Variants in BNC2 observed in about 807,000 individuals in gnomAD.
BNC2 encodes zinc finger protein basonuclin-2.
In BNC2, 20 loss-of-function variants were observed where a neutral mutation model predicts 76.3. The ratio of observed to expected loss-of-function variants is 0.26; its 90% CI spans 0.18 to 0.38. BNC2 has a LOEUF of 0.38. Ranked by LOEUF, BNC2 falls within the 10% of genes least tolerant of loss-of-function variation. BNC2 has a pLI of 1.00. For synonymous variants in BNC2, 582 were observed against 514.8 expected (o/e 1.13, Z -1.77); for missense variants, 1,382 against 1,399.8 (o/e 0.99, Z 0.20).
intron 5 of BNC2, among the ~76,000 whole-genome samples, chr9:16,502,558 C>G (rs373512307): frequency 3.9e-5 from 6 of 151,978 alleles, no homozygotes; most frequent in African/African-American, 1.5e-4. Flanking sequence ...TTTTTCCCCC[C>G]CTCTTACTTC....
At chr9:16,570,072 C>A (rs1819277641) in intron 4 of BNC2, among the ~76,000 whole-genome samples, 1 of 152,040 alleles carries the variant, frequency 6.6e-6, no homozygotes, top group Non-Finnish European at 1.5e-5. Flanking sequence ...ATCACCCTAC[C>A]CCCCAGTTAT....
rs184982036 is a variant in BNC2 at position 16,715,224 on chromosome 9, G to C, written c.330+12573C>G. On this transcript the variant is annotated intron_variant, in intron 3 of 6. Transcript: ENST00000380672. Reference sequence around the variant, plus strand: ...TCTTTTATTATTTTAAAATCCTTATGCTTCTACCTTTATTTAAATTATTTG... The same window carrying C: ...TCTTTTATTATTTTAAAATCCTTATCCTTCTACCTTTATTTAAATTATTTG... 3.4e-4 allele frequency among the ~76,000 whole-genome samples: 52 copies of C among 152,234 alleles called. No homozygotes were observed. In the East Asian group the frequency reaches 9.8e-3, roughly 29 times the overall value.
chr9:16,625,968 G>A (rs1417935893), intron 3 of BNC2: 1 of 152,176 alleles, frequency 6.6e-6, no homozygotes, highest in South Asian at 2.1e-4. Flanking sequence ...ACAGCCAACT[G>A]GAATCATTTT....
intron 5 of BNC2, among the ~76,000 whole-genome samples, chr9:16,464,448 T>C (rs1248866043): frequency 6.6e-6 from 1 of 152,140 alleles, no homozygotes; most frequent in Non-Finnish European, 1.5e-5. Flanking sequence ...GCTGAGGTCA[T>C]TCAGGATCCG....
chr9:16,615,987 G>C (rs1011496039), intron 3 of BNC2, among the ~76,000 whole-genome samples: 1 of 152,164 alleles, frequency 6.6e-6, no homozygotes, highest in Non-Finnish European at 1.5e-5. Context: ...CCAAGTCTGA[G>C]AGCTCAATGG....
At chr9:16,657,646 T>A (rs1821968484) in intron 3 of BNC2, among the ~76,000 whole-genome samples, 3 of 152,194 alleles carry the variant, frequency 2.0e-5, no homozygotes, top group Admixed American at 1.3e-4. Context: ...GAAAGAGGCT[T>A]ATCGTGTATT....
chr9:16,655,277 A>T (rs1400947546), intron 3 of BNC2, among the ~76,000 whole-genome samples: 1 of 152,186 alleles, frequency 6.6e-6, no homozygotes, highest in Non-Finnish European at 1.5e-5. Context: ...AATTCTCCAA[A>T]TTCACTAAAA....
At chr9:16,484,035 C>A (rs1255836500) in intron 5 of BNC2, among the ~76,000 whole-genome samples, 1 of 152,172 alleles carries the variant, frequency 6.6e-6, no homozygotes, top group Non-Finnish European at 1.5e-5. Context: ...TTCTTTCTGG[C>A]TCTCCCAGGA....
At chr9:16,510,185 T>C (rs1036853503) in intron 5 of BNC2, among the ~76,000 whole-genome samples, 2 of 152,212 alleles carry the variant, frequency 1.3e-5, no homozygotes, top group African/African-American at 4.8e-5. Context: ...GAAGCTGGCC[T>C]CAGTGCCCAC....
chr9:16,516,064 T>C (rs1374826346), intron 5 of BNC2, among the ~76,000 whole-genome samples: 1 of 152,198 alleles, frequency 6.6e-6, no homozygotes, highest in Non-Finnish European at 1.5e-5. Context: ...TGAAAACTTT[T>C]CAAAGACAAC....
intron 5 of BNC2, among the ~76,000 whole-genome samples, chr9:16,496,911 C>G (rs1001060886): frequency 6.6e-6 from 1 of 152,364 alleles, no homozygotes; most frequent in South Asian, 2.1e-4. Flanking sequence ...GATCTTCTTA[C>G]CTCACAACTT....
chr9:16,641,505 A>T (rs539177946), intron 3 of BNC2, among the ~76,000 whole-genome samples: 1 of 152,354 alleles, frequency 6.6e-6, no homozygotes, highest in South Asian at 2.1e-4. Flanking sequence ...TGTTGCCTCT[A>T]TTTAATTAAT....
intron 1 of BNC2, among the ~76,000 whole-genome samples, chr9:16,759,925 G>A (rs1180971553): frequency 2.6e-5 from 4 of 152,016 alleles, no homozygotes; most frequent in Non-Finnish European, 4.4e-5. Flanking sequence ...GGGTTTCACC[G>A]CATTAGCCAG....
In BNC2 at chr9:16,739,720, GA is replaced by G. The variant is rs904847351; in HGVS notation, c.4-1236del. ...GTAAATTACTGGCAATACGGCTGGA[GA>G]AAAAAAAAAGGACAAGATACAGAAG... is the stretch of plus-strand genomic sequence containing the variant. On this transcript the variant is annotated intron_variant, in intron 1 of 6. Coordinates refer to ENST00000380672, the MANE Select transcript of BNC2 (RefSeq NM_017637.6). Among the ~76,000 whole-genome samples, 8 of 145,972 alleles carry G rather than the reference GA, an allele frequency of 5.5e-5. No homozygotes were observed. In the East Asian group the frequency reaches 9.9e-4, roughly 18 times the overall value.
chr9:16,755,685 G>A (rs1046648720), intron 1 of BNC2, among the ~76,000 whole-genome samples: 1 of 152,014 alleles, frequency 6.6e-6, no homozygotes, highest in Non-Finnish European at 1.5e-5. Flanking sequence ...TGTCATTTCC[G>A]GGGCAGTGTC....
rs1820544428 is a variant in BNC2, at chr9:16,414,574, C to A, written c.*4415G>T. ...GTGACCACAGGATGAAAAAAAGTTT[C>A]TTCTGGATGATTTGTTTCTTGATGA... On this transcript the variant is annotated 3_prime_UTR_variant, in exon 7 of 7. Transcript: ENST00000380672. 1 of 152,146 alleles carries A rather than the reference C, an allele frequency of 6.6e-6. No homozygotes were observed. Among genetic ancestry groups the A allele is most frequent in the African/African-American group, 2.4e-5 (1 of 41,442 alleles). The allele number at this position is 152,146 out of a possible 1,614,324, so 9.4% of individuals were successfully genotyped here.
At chr9:16,850,554 A>C (rs975966940) in intron 1 of BNC2, among the ~76,000 whole-genome samples, 3 of 152,202 alleles carry the variant, frequency 2.0e-5, no homozygotes, top group African/African-American at 7.2e-5. Context: ...TATATGTGAA[A>C]AATCAATGTT....
intron 3 of BNC2, among the ~76,000 whole-genome samples, chr9:16,652,515 T>C (rs998464434): frequency 1.6e-4 from 24 of 152,210 alleles, no homozygotes; most frequent in African/African-American, 5.8e-4. Context: ...AAATTCACTT[T>C]AATAAAAGAT....
intron 2 of BNC2, among the ~76,000 whole-genome samples, chr9:16,731,159 T>C (rs201127891): frequency 6.6e-6 from 1 of 152,246 alleles, no homozygotes; most frequent in East Asian, 1.9e-4. Flanking sequence ...CTGAGTTTTT[T>C]TCACTGGCTA....
Sources: gnomAD v4.1 joint callset for allele counts (sites outside exome capture counted in the v4.1 genomes callset) on GRCh38, gnomAD v4.1.1 for gene constraint, MANE v1.5 for transcripts, NCBI Gene and HGNC (gene_info 2026-07-23, HGNC 2026-07-21) for gene names.